The following TBXAS1 variants were observed in gnomAD, a reference collection of about 807,000 sequenced individuals.
TBXAS1 encodes the protein thromboxane A synthase 1.
Under a neutral mutation model 60.7 loss-of-function variants are expected in TBXAS1, and 48 were observed. The observed-to-expected ratio is 0.79, with a 90% CI of 0.63 to 1.01. The LOEUF is 1.01. Among genes scored for constraint, TBXAS1 ranks in the 50% least tolerant of loss-of-function variants. The pLI, the probability that TBXAS1 is intolerant of heterozygous loss-of-function variation, is 0.00. For synonymous variants in TBXAS1, 287 were observed against 269.7 expected (o/e 1.06, Z -0.63); for missense variants, 685 against 686.3 (o/e 1.00, Z 0.02).
intron 5 of TBXAS1, among the ~76,000 whole-genome samples, chr7:139,948,206 C>T (rs913592054): frequency 2.0e-5 from 3 of 152,118 alleles, no homozygotes; most frequent in African/African-American, 4.8e-5. Flanking sequence ...TGGGTGCCAG[C>T]GTTGTTGGTT....
intron 4 of TBXAS1, among the ~76,000 whole-genome samples, chr7:139,918,692 C>T (rs550990875): frequency 6.6e-6 from 1 of 152,318 alleles, no homozygotes; most frequent in Non-Finnish European, 1.5e-5. Context: ...GGCAGGACTG[C>T]CATAATTAGA....
intron 9 of TBXAS1, among the ~76,000 whole-genome samples, chr7:139,979,586 C>A (rs1811814716): frequency 6.6e-6 from 1 of 151,806 alleles, no homozygotes; most frequent in Non-Finnish European, 1.5e-5. Flanking sequence ...ATTAGCCAGG[C>A]TTGGTGGCGT....
intron 9 of TBXAS1, among the ~76,000 whole-genome samples, chr7:139,987,424 C>A (rs1000495530): frequency 2.6e-5 from 4 of 152,204 alleles, no homozygotes; most frequent in Non-Finnish European, 5.9e-5. Flanking sequence ...AGTGAGTGTG[C>A]TCTGGCTAAG....
chr7:139,778,385 T>TGTGCCCAGGTGCGAGGGTGC (rs1796849386), upstream of TBXAS1: 1 of 153,168 alleles, frequency 6.5e-6, no homozygotes, highest in African/African-American at 2.4e-5. The surrounding 1 kb of genome is among the most constrained non-coding windows in gnomAD (Gnocchi z 4.8). Flanking sequence ...TTCGCGCGTG[T>TGTGCCCAGGTGCGAGGGTGC]GCTGGCGGGG....
intron 4 of TBXAS1, among the ~76,000 whole-genome samples, chr7:139,797,046 T>C (rs1287253506): frequency 6.6e-6 from 1 of 152,256 alleles, no homozygotes; most frequent in East Asian, 1.9e-4. Flanking sequence ...CCAATTCTAA[T>C]GTCAATGAAA....
chr7:139,986,738 T>C (rs1481714018), intron 9 of TBXAS1, among the ~76,000 whole-genome samples: 7 of 56,338 alleles, frequency 1.2e-4, no homozygotes, highest in South Asian at 7.3e-4. Context: ...TATATATATA[T>C]ACATACATAT....
At chr7:139,805,656 TTTTCTCTTTCTTTCTTTCTTTCTTTC>T (rs1166608530) in intron 4 of TBXAS1, among the ~76,000 whole-genome samples, 1 of 140,072 alleles carries the variant, frequency 7.1e-6, no homozygotes, top group African/African-American at 2.6e-5. Flanking sequence ...CCTCCCTTCT[TTTTCTCTTTCTTTCTTTCTTTCTTTC>T]TTTCTTTCTT....
intron 9 of TBXAS1, among the ~76,000 whole-genome samples, chr7:140,003,357 C>G (rs987581485): frequency 1.3e-5 from 2 of 152,060 alleles, no homozygotes; most frequent in African/African-American, 4.8e-5. Context: ...GCACCCACCA[C>G]CATGCCCAGC....
In TBXAS1 at chr7:139,975,713, C is replaced by T. The variant is rs1469735410; in HGVS notation, c.1134+13480C>T. Among the ~76,000 whole-genome samples, 2 of 152,218 alleles carry T rather than the reference C, an allele frequency of 1.3e-5. No individual in the cohort carries two copies. Among genetic ancestry groups the T allele is most frequent in the Admixed American group, 1.3e-4 (2 of 15,288 alleles). The stretch of plus-strand genomic sequence containing the variant: ...TCTGAGCCCTGAGGATAATAAGTTT[C>T]CCTCGAAGGTCCTGGGTTTGTTGGA... On this transcript the variant is annotated intron_variant, in intron 9 of 12. Transcript: ENST00000448866. This position sits in a 1 kb window ranked among gnomAD's most constrained non-coding sequence, Gnocchi z 4.4.
At position 139,911,224 on chromosome 7, in the gene TBXAS1, G is replaced by T. The variant is rs747762059; in HGVS notation, c.237-1G>T. On this transcript the variant is annotated splice_acceptor_variant, in intron 3 of 12. Coordinates refer to ENST00000448866, the MANE Select transcript of TBXAS1 (RefSeq NM_001061.7). LOFTEE classifies it high-confidence loss of function. ...TTTAATGCATTTTTTATTCCTCCCA[G>T]GTACTATCTTGGTCGTCGGATGTTT... 6.2e-7 allele frequency: 1 copy of T among 1,613,978 alleles called. No individual in the cohort carries two copies. The highest frequency in any genetic ancestry group is 8.5e-7 in the Non-Finnish European group (1 of 1,179,890).
chr7:139,865,880 AG>A lies in TBXAS1; in HGVS notation c.90-6352del, dbSNP rs1442337373. 2.2e-4 allele frequency among the ~76,000 whole-genome samples: 20 copies of A among 91,954 alleles called. 1 individual carries two copies. Among genetic ancestry groups the A allele is most frequent in the African/African-American group, 9.0e-4 (20 of 22,182 alleles). The allele number at this position is 91,954 out of a possible 152,430, so 60.3% of individuals were successfully genotyped here. A position where few individuals can be genotyped will look rare whatever the true frequency, so the allele number is the denominator to read the frequency against. On this transcript the variant is annotated intron_variant, in intron 1 of 12. Coordinates refer to ENST00000448866, the MANE Select transcript of TBXAS1 (RefSeq NM_001061.7). Reference sequence around the variant, plus strand: ...GGAGGGAGGAAGGAAGGAGGGAGGGAGGGAAGGAGGAAGGAGGGAGGGAGGA... The same window carrying A: ...GGAGGGAGGAAGGAAGGAGGGAGGGAGGAAGGAGGAAGGAGGGAGGGAGGA...
At chr7:139,792,370 G>C (rs1797415020) in intron 4 of TBXAS1, among the ~76,000 whole-genome samples, 1 of 152,156 alleles carries the variant, frequency 6.6e-6, no homozygotes, top group African/African-American at 2.4e-5. Flanking sequence ...CTTCCAAGGA[G>C]AGCCAGCCAG....
At chr7:139,998,198 G>A (rs1043542327) in intron 9 of TBXAS1, among the ~76,000 whole-genome samples, 1 of 152,222 alleles carries the variant, frequency 6.6e-6, no homozygotes, top group African/African-American at 2.4e-5. Flanking sequence ...AGTCAAGACA[G>A]TGGTTACTAC....
intron 1 of TBXAS1, among the ~76,000 whole-genome samples, chr7:139,856,435 G>C (rs1800588836): frequency 6.6e-6 from 1 of 152,178 alleles, no homozygotes. Flanking sequence ...CAATGGAAGA[G>C]GGATGAGGTT....
chr7:139,814,154 A>T (rs1176892458), intron 4 of TBXAS1, among the ~76,000 whole-genome samples: 1 of 152,208 alleles, frequency 6.6e-6, no homozygotes, highest in Non-Finnish European at 1.5e-5. Context: ...ATTGCTATGT[A>T]GTGTTGGGAG....
chr7:139,923,475 A>G (rs1177654907), intron 4 of TBXAS1, among the ~76,000 whole-genome samples: 1 of 151,970 alleles, frequency 6.6e-6, no homozygotes, highest in Non-Finnish European at 1.5e-5. Flanking sequence ...AGTATATAGT[A>G]GGTGTATACA....
At chr7:139,974,726 A>T (rs1584986604) in intron 9 of TBXAS1, among the ~76,000 whole-genome samples, 1 of 152,040 alleles carries the variant, frequency 6.6e-6, no homozygotes, top group South Asian at 2.1e-4. Flanking sequence ...CCTTTCTGTG[A>T]CTCAGTTTCC....
chr7:139,892,382 G>GGCGTTC, intron 3 of TBXAS1, among the ~76,000 whole-genome samples: 1 of 152,132 alleles, frequency 6.6e-6, no homozygotes, highest in Non-Finnish European at 1.5e-5. Context: ...CATGAGGTCA[G>GGCGTTC]GAGTTCGAGA....
At chr7:139,809,770 G>A (rs1454630375) in intron 4 of TBXAS1, among the ~76,000 whole-genome samples, 2 of 152,118 alleles carry the variant, frequency 1.3e-5, no homozygotes, top group African/African-American at 2.4e-5. Context: ...GTTCTATCCA[G>A]GTCCAAAGCT....
Sources: gnomAD v4.1 joint callset for allele counts (sites outside exome capture counted in the v4.1 genomes callset) on GRCh38, gnomAD v4.1.1 for gene constraint, Gnocchi (gnomAD v3.1) non-coding constraint, MANE v1.5 for transcripts, NCBI Gene and HGNC (gene_info 2026-07-23, HGNC 2026-07-21) for gene names.